Variants in GSE1 observed in about 807,000 individuals in gnomAD.
GSE1 encodes the protein Gse1 coiled-coil protein.
Under a neutral mutation model 112.6 loss-of-function variants are expected in GSE1, and 32 were observed. The ratio of observed to expected loss-of-function variants is 0.28; its 90% confidence interval spans 0.21 to 0.38. The LOEUF (loss-of-function observed/expected upper bound fraction) is 0.38. Ranked by LOEUF, GSE1 falls within the 10% of genes least tolerant of loss-of-function variation. The probability of loss-of-function intolerance (pLI) is 1.00; values close to 1 mark genes in which losing one functional copy is unlikely to be tolerated. For synonymous variants in GSE1, 1,115 were observed against 735.6 expected (o/e 1.52, Z -8.35); for missense variants, 2,348 against 1,699.2 (o/e 1.38, Z -6.71).
intron 1 of GSE1, among the ~76,000 whole-genome samples, chr16:85,180,340 G>C (rs537294914): frequency 6.6e-6 from 1 of 152,218 alleles, no homozygotes; most frequent in Admixed American, 6.5e-5. Context: ...GCAGCCCAGG[G>C]CCCAAAGGCG....
chr16:85,371,924 A>G (rs904029881), intron 2 of GSE1, among the ~76,000 whole-genome samples: 11 of 152,132 alleles, frequency 7.2e-5, no homozygotes, highest in Non-Finnish European at 1.3e-4. Context: ...GGGCTGGGAG[A>G]GGAGCCAGGC....
At chr16:85,288,970 G>A (rs572051237) in intron 1 of GSE1, among the ~76,000 whole-genome samples, 14 of 152,300 alleles carry the variant, frequency 9.2e-5, no homozygotes, top group African/African-American at 3.1e-4. Flanking sequence ...GGAGGTCAGC[G>A]AGAAAACAAT....
At chr16:85,487,418 A>G (rs752831645) in intron 2 of GSE1, among the ~76,000 whole-genome samples, 2 of 151,942 alleles carry the variant, frequency 1.3e-5, no homozygotes, top group Non-Finnish European at 2.9e-5. Context: ...GGGCCTGAGA[A>G]CCCTCGCATG....
At chr16:85,495,456 T>C (rs2051143129) in intron 2 of GSE1, among the ~76,000 whole-genome samples, 1 of 151,160 alleles carries the variant, frequency 6.6e-6, no homozygotes, top group Admixed American at 6.6e-5. Context: ...TTTATTTATT[T>C]ATTTATTTAT....
chr16:85,331,959 G>T (rs947398037), intron 1 of GSE1, among the ~76,000 whole-genome samples: 3 of 152,052 alleles, frequency 2.0e-5, no homozygotes, highest in Non-Finnish European at 4.4e-5. Context: ...TCTGGAGGAA[G>T]GGGTGTGTAC....
chr16:85,665,863 C>T (rs924415267), intron 12 of GSE1, 113 bp from the exon 13 acceptor site: 6 of 1,008,936 alleles, frequency 5.9e-6, no homozygotes, highest in Non-Finnish European at 7.6e-6. Context: ...GGTCTTGGTT[C>T]TTTGCGCTAG....
chr16:85,464,356 C>T (rs1461078548), intron 2 of GSE1, among the ~76,000 whole-genome samples: 7 of 152,232 alleles, frequency 4.6e-5, no homozygotes, highest in Middle Eastern at 6.8e-3. Flanking sequence ...GGGGGGCAGC[C>T]GCTTAGAGAA....
intron 5 of GSE1, among the ~76,000 whole-genome samples, chr16:85,655,385 C>T (rs1470785817): frequency 1.3e-5 from 2 of 152,174 alleles, no homozygotes; most frequent in African/African-American, 2.4e-5. Flanking sequence ...TGTCAGAGGT[C>T]AGAGGGGCCT....
intron 1 of GSE1, among the ~76,000 whole-genome samples, chr16:85,207,517 G>C (rs2075140272): frequency 6.6e-6 from 1 of 152,058 alleles, no homozygotes; most frequent in South Asian, 2.1e-4. Flanking sequence ...GGGTGACTGA[G>C]GGTCATTCAG....
chr16:85,602,834 C>G lies in GSE1; in HGVS notation c.38-45718C>G, dbSNP rs193159258. ...TGTACTCACTGCTGCCAGCGATGTA[C>G]CCGGTTACAGGGGCTGCCCTTGCCC... On this transcript the variant is annotated intron_variant, in intron 1 of 2. Coordinates refer to the GSE1 transcript ENST00000635906. Among the ~76,000 whole-genome samples, 18 of 152,378 alleles carry G rather than the reference C, an allele frequency of 1.2e-4. No individual in the cohort carries two copies. In the East Asian group the frequency reaches 3.3e-3, roughly 28 times the overall value.
intron 1 of GSE1, among the ~76,000 whole-genome samples, chr16:85,262,194 A>G (rs1907768616): frequency 1.3e-5 from 2 of 152,196 alleles, no homozygotes; most frequent in Admixed American, 1.3e-4. Context: ...CAAATTATTT[A>G]TTTAATGGTT....
At position 85,676,193 on chromosome 16, in the gene GSE1, C is replaced by T. The variant is rs900134105; in HGVS notation, c.*3654C>T. 6.6e-6 allele frequency: 1 copy of T among 152,572 alleles called. No individual in the cohort carries two copies. The highest frequency in any genetic ancestry group is 2.4e-5 in the African/African-American group (1 of 41,420). The allele number at this position is 152,572 out of a possible 1,614,324, so 9.5% of individuals were successfully genotyped here. On this transcript the variant is annotated 3_prime_UTR_variant, in exon 16 of 16. Transcript: ENST00000253458. ...ACAACATCCAAAAAATAAAATCTTCCTAAATTATGTTAAGAGGAAAATCTT... is the reference window on the plus strand; with the variant it reads ...ACAACATCCAAAAAATAAAATCTTCTTAAATTATGTTAAGAGGAAAATCTT...
chr16:85,656,885 T>C (rs1567738671), intron 7 of GSE1, among the ~76,000 whole-genome samples: 1 of 152,248 alleles, frequency 6.6e-6, no homozygotes, highest in Non-Finnish European at 1.5e-5. Context: ...AGTTGTGAAA[T>C]GTAGCCGGGG....
chr16:85,466,673 A>G (rs2050130107), intron 2 of GSE1, among the ~76,000 whole-genome samples: 1 of 148,078 alleles, frequency 6.8e-6, no homozygotes, highest in African/African-American at 2.6e-5. Context: ...AGGTTTGCAA[A>G]TTAAAAAAAA....
intron 1 of GSE1, among the ~76,000 whole-genome samples, chr16:85,172,245 C>G (rs79867235): frequency 0.032 from 4,882 of 152,296 alleles, 247 homozygotes; most frequent in African/African-American, 0.11. Context: ...GTGGAAGTTC[C>G]TCTCCGTTCT....
rs554442672 is a variant in GSE1 at position 85,672,730 on chromosome 16, G to A, written c.*191G>A. On this transcript the variant is annotated 3_prime_UTR_variant, in exon 16 of 16. Coordinates refer to ENST00000253458, the MANE Select transcript of GSE1 (RefSeq NM_014615.5). ...TTGACGTCAATGCAATTGAATCACC[G>A]TTGTCATTCAGCGAGCAACCAATGT... 18 of 419,468 alleles carry A rather than the reference G, an allele frequency of 4.3e-5. No individual in the cohort carries two copies. The highest frequency in any genetic ancestry group is 2.4e-4 in the Admixed American group (6 of 25,444). 26.0% of individuals were successfully genotyped at this position (419,468 alleles called of 1,614,324 possible). A position where few individuals can be genotyped will look rare whatever the true frequency, so the allele number is the denominator to read the frequency against.
chr16:85,293,389 T>C (rs903771302), intron 1 of GSE1, among the ~76,000 whole-genome samples: 3 of 151,828 alleles, frequency 2.0e-5, no homozygotes, highest in Non-Finnish European at 4.4e-5. Flanking sequence ...CTGCTAAAAA[T>C]ACAAAAATCA....
chr16:85,481,389 G>T (rs1226184369), intron 2 of GSE1, among the ~76,000 whole-genome samples: 1 of 152,214 alleles, frequency 6.6e-6, no homozygotes, highest in Non-Finnish European at 1.5e-5. Flanking sequence ...GGACAGAGGA[G>T]CTTGATGCTT....
chr16:85,390,274 C>T (rs1312932903), intron 2 of GSE1, among the ~76,000 whole-genome samples: 1 of 151,964 alleles, frequency 6.6e-6, no homozygotes, highest in African/African-American at 2.4e-5. Flanking sequence ...GTTCTGCTGG[C>T]GTTGGGGTGG....
Sources: allele counts gnomAD v4.1 joint callset (sites outside exome capture counted in the v4.1 genomes callset), GRCh38; gene constraint gnomAD v4.1.1; transcripts MANE v1.5; gene names NCBI Gene and HGNC (gene_info 2026-07-23, HGNC 2026-07-21).